CDH2: variants seen among roughly 807,000 people sequenced by gnomAD.
CDH2 encodes cadherin 2, also known as cadherin-2.
CDH2 carries 17 observed loss-of-function variants against 92.0 expected under a neutral mutation model. The ratio of observed to expected loss-of-function variants is 0.18; its 90% CI spans 0.13 to 0.28. CDH2 has a LOEUF of 0.28. Among genes scored for constraint, CDH2 ranks in the 10% least tolerant of loss-of-function variants. The pLI is 1.00. For missense variants in CDH2, 862 were observed against 1,133.1 expected, an observed-to-expected ratio of 0.76 and a Z score of 3.44; for synonymous variants, 419 against 415.9, an observed-to-expected ratio of 1.01 and a Z score of -0.09.
At chr18:28,058,011 C>T (rs1487524014) in intron 2 of CDH2, among the ~76,000 whole-genome samples, 1 of 152,156 alleles carries the variant, frequency 6.6e-6, no homozygotes, top group Non-Finnish European at 1.5e-5. Context: ...AACCCATCAT[C>T]TTGGGAAGAT....
At chr18:28,006,077 G>A in intron 5 of CDH2, 84 bp from the exon 6 acceptor site, 1 of 1,118,078 alleles carries the variant, frequency 8.9e-7, no homozygotes, top group Admixed American at 2.1e-5. Context: ...TACAAAAATA[G>A]CAAGAATAAA....
At chr18:28,094,261 C>A (rs187104131) in intron 2 of CDH2, among the ~76,000 whole-genome samples, 3 of 151,930 alleles carry the variant, frequency 2.0e-5, no homozygotes, top group Non-Finnish European at 4.4e-5. Flanking sequence ...CTAAGGTGGG[C>A]GGATCACTTG....
chr18:27,946,916 A>G (rs951238238), downstream of CDH2, among the ~76,000 whole-genome samples: 1 of 151,962 alleles, frequency 6.6e-6, no homozygotes, highest in Admixed American at 6.6e-5. Context: ...AAAGTGTTAT[A>G]AAATTCAACA....
At chr18:28,102,056 T>C (rs1241596225) in intron 2 of CDH2, among the ~76,000 whole-genome samples, 1 of 152,054 alleles carries the variant, frequency 6.6e-6, no homozygotes, top group African/African-American at 2.4e-5. Context: ...CATAAAGAAA[T>C]GCCCAAGTCG....
chr18:28,058,117 T>C (rs1455518147), intron 2 of CDH2, among the ~76,000 whole-genome samples: 1 of 152,242 alleles, frequency 6.6e-6, no homozygotes, highest in East Asian at 1.9e-4. Flanking sequence ...AAATATGTTC[T>C]TGTAACAGTG....
At chr18:27,939,533 T>G (rs568639704) in intron 6 of CDH2, among the ~76,000 whole-genome samples, 68 of 152,234 alleles carry the variant, frequency 4.5e-4, no homozygotes, top group Non-Finnish European at 8.4e-4. Flanking sequence ...TTTCCCATGC[T>G]GTTATTTAGG....
At position 28,163,829 on chromosome 18, in the gene CDH2, T is replaced by A. The variant is rs62103145; in HGVS notation, c.60+13134A>T. Among the ~76,000 whole-genome samples, 322 of 152,298 alleles carry A rather than the reference T, an allele frequency of 2.1e-3. 1 individual carries two copies. Among genetic ancestry groups the A allele is most frequent in the South Asian group, 8.9e-3 (43 of 4,816 alleles). Reference sequence around the variant, plus strand: ...TGATGTATATGCATATATAAAAATGTCTATATAGATGATAAAACTACAAAG... The same window carrying A: ...TGATGTATATGCATATATAAAAATGACTATATAGATGATAAAACTACAAAG... On this transcript the variant is annotated intron_variant, in intron 1 of 15. Transcript: ENST00000269141.
At chr18:28,014,168 C>T (rs1307958470) in intron 2 of CDH2, among the ~76,000 whole-genome samples, 2 of 152,118 alleles carry the variant, frequency 1.3e-5, no homozygotes. Context: ...GACACTGGGT[C>T]CTCAGGTGCA....
chr18:28,120,161 A>G (rs1393261086), intron 2 of CDH2, among the ~76,000 whole-genome samples: 3 of 152,086 alleles, frequency 2.0e-5, no homozygotes, highest in African/African-American at 7.2e-5. Flanking sequence ...CTATGTCTAA[A>G]TTATCCCTAA....
At chr18:28,115,106 T>C (rs1021669729) in intron 2 of CDH2, among the ~76,000 whole-genome samples, 1 of 151,944 alleles carries the variant, frequency 6.6e-6, no homozygotes, top group Non-Finnish European at 1.5e-5. Flanking sequence ...AACCTTGGAG[T>C]GGCAGGAGTC....
At chr18:28,103,028 C>T (rs980404847) in intron 2 of CDH2, among the ~76,000 whole-genome samples, 3 of 151,286 alleles carry the variant, frequency 2.0e-5, no homozygotes, top group African/African-American at 7.3e-5. Flanking sequence ...ACTCTGTTTT[C>T]ACTAGTTACT....
chr18:28,066,890 A>G (rs2014518543), intron 2 of CDH2, among the ~76,000 whole-genome samples: 1 of 152,168 alleles, frequency 6.6e-6, no homozygotes, highest in Non-Finnish European at 1.5e-5. Flanking sequence ...ACCGAAAGTA[A>G]ATTTTAAGTA....
intron 2 of CDH2, among the ~76,000 whole-genome samples, chr18:28,081,351 A>T (rs1024320294): frequency 3.9e-5 from 6 of 152,210 alleles, no homozygotes; most frequent in Non-Finnish European, 5.9e-5. Context: ...CACTAGTCAA[A>T]ATAACTGACC....
intron 2 of CDH2, among the ~76,000 whole-genome samples, chr18:28,137,194 T>C (rs1346422972): frequency 6.6e-6 from 1 of 152,162 alleles, no homozygotes; most frequent in Non-Finnish European, 1.5e-5. Flanking sequence ...AATAATGCAT[T>C]GTTACAAAGA....
chr18:27,966,061 A>T (rs569537504), intron 14 of CDH2, among the ~76,000 whole-genome samples: 1 of 151,950 alleles, frequency 6.6e-6, no homozygotes, highest in South Asian at 2.1e-4. Flanking sequence ...AAAAAATAAA[A>T]TATGTTTTTT....
At chr18:28,151,323 G>A (rs2016117877) in intron 1 of CDH2, among the ~76,000 whole-genome samples, 2 of 152,204 alleles carry the variant, frequency 1.3e-5, no homozygotes, top group Admixed American at 1.3e-4. Flanking sequence ...GCGAGGGGGT[G>A]CTACTGGCTA....
At chr18:27,963,283 T>G in intron 15 of CDH2, 74 bp downstream of exon 15, 1 of 1,402,924 alleles carries the variant, frequency 7.1e-7, no homozygotes, top group African/African-American at 1.4e-5. Flanking sequence ...TTCCAAGCAA[T>G]TTGTGGCCTA....
At chr18:27,957,021 G>A (rs979146881) in intron 15 of CDH2, among the ~76,000 whole-genome samples, 1 of 151,886 alleles carries the variant, frequency 6.6e-6, no homozygotes, top group Non-Finnish European at 1.5e-5. Context: ...CACCCCCAAA[G>A]GGAATCCCCC....
chr18:28,074,953 A>G (rs866743860), intron 2 of CDH2, among the ~76,000 whole-genome samples: 2 of 152,302 alleles, frequency 1.3e-5, no homozygotes, highest in Middle Eastern at 3.4e-3. Flanking sequence ...AGGGAATCAT[A>G]TATTTGAGAT....
Sources: gnomAD v4.1 joint callset for allele counts (sites outside exome capture counted in the v4.1 genomes callset) on GRCh38, gnomAD v4.1.1 for gene constraint, MANE v1.5 for transcripts, NCBI Gene and HGNC (gene_info 2026-07-23, HGNC 2026-07-21) for gene names.